NDST4: variants seen among roughly 807,000 people sequenced by gnomAD.
NDST4 encodes the protein N-heparan sulfate sulfotransferase 4.
A neutral mutation model predicts 100.8 loss-of-function variants in NDST4; 63 were observed. The ratio of observed to expected loss-of-function variants is 0.62; its 90% confidence interval spans 0.51 to 0.77. The LOEUF is 0.77. Ranked by LOEUF, NDST4 falls within the 30% of genes least tolerant of loss-of-function variation. NDST4 has a pLI of 0.00. For synonymous variants in NDST4, 377 were observed against 361.8 expected (o/e 1.04, Z -0.48); for missense variants, 943 against 1,018.4 (o/e 0.93, Z 1.01).
chr4:114,930,671 T>A (rs766414105), intron 6 of NDST4, among the ~76,000 whole-genome samples: 1 of 152,104 alleles, frequency 6.6e-6, no homozygotes, highest in Admixed American at 6.5e-5. Context: ...TGAAACAAAG[T>A]GGGCATAGCA....
chr4:114,956,804 G>C (rs888801891), intron 4 of NDST4, among the ~76,000 whole-genome samples: 7 of 151,952 alleles, frequency 4.6e-5, no homozygotes, highest in African/African-American at 1.7e-4. Flanking sequence ...TAACTAAATG[G>C]CAACAAAAAT....
chr4:115,023,195 A>G (rs1341263628), intron 2 of NDST4, among the ~76,000 whole-genome samples: 1 of 152,106 alleles, frequency 6.6e-6, no homozygotes, highest in East Asian at 1.9e-4. Context: ...TGAAGAACGT[A>G]TTCCTGTTGG....
chr4:115,081,946 C>T (rs2126291755), intron 1 of NDST4, among the ~76,000 whole-genome samples: 1 of 152,120 alleles, frequency 6.6e-6, no homozygotes, highest in Admixed American at 6.5e-5. Flanking sequence ...GGCTTTGGTC[C>T]CAATTCTTCT....
intron 2 of NDST4, among the ~76,000 whole-genome samples, chr4:115,038,699 G>C (rs1032344403): frequency 6.6e-6 from 1 of 152,206 alleles, no homozygotes; most frequent in Non-Finnish European, 1.5e-5. Flanking sequence ...GTTGTGGGCT[G>C]ATCATGGTTG....
chr4:114,842,521 G>A (rs1723447222), intron 10 of NDST4, among the ~76,000 whole-genome samples: 1 of 150,648 alleles, frequency 6.6e-6, no homozygotes, highest in African/African-American at 2.4e-5. Flanking sequence ...GCAGGGCGCG[G>A]TGGCTCACGC....
At chr4:114,846,075 A>G in intron 9 of NDST4, 78 bp from the exon 10 acceptor site, 2 of 1,050,754 alleles carry the variant, frequency 1.9e-6, no homozygotes, top group East Asian at 5.1e-5. Flanking sequence ...TAATTGGAAC[A>G]TTTTAATATT....
At chr4:114,848,454 T>A in intron 8 of NDST4, 116 bp from the exon 9 acceptor site, 1 of 820,910 alleles carries the variant, frequency 1.2e-6, no homozygotes, top group Non-Finnish European at 1.8e-6. Flanking sequence ...AGTATCAAAG[T>A]GATTTCCTTA....
intron 4 of NDST4, among the ~76,000 whole-genome samples, chr4:114,944,578 T>C (rs1276702097): frequency 6.6e-6 from 1 of 152,174 alleles, no homozygotes; most frequent in East Asian, 1.9e-4. Context: ...TTGCAAATAG[T>C]TACTATGAAA....
At chr4:114,962,133 T>C (rs962694381) in intron 4 of NDST4, among the ~76,000 whole-genome samples, 2 of 152,020 alleles carry the variant, frequency 1.3e-5, no homozygotes, top group Non-Finnish European at 2.9e-5. Flanking sequence ...TACATGCAGA[T>C]ACATACAGAA....
intron 6 of NDST4, among the ~76,000 whole-genome samples, chr4:114,905,280 T>A (rs1229957806): frequency 6.6e-6 from 1 of 151,856 alleles, no homozygotes; most frequent in African/African-American, 2.4e-5. Flanking sequence ...AAGTGGCTTA[T>A]CCATCTTGGA....
intron 1 of NDST4, among the ~76,000 whole-genome samples, chr4:115,081,103 A>T (rs532811201): frequency 6.6e-6 from 1 of 152,050 alleles, no homozygotes; most frequent in Non-Finnish European, 1.5e-5. Flanking sequence ...ATAAATTAAA[A>T]AAAAAACCAT....
chr4:115,001,447 C>T (rs1727287875), intron 2 of NDST4, among the ~76,000 whole-genome samples: 1 of 151,852 alleles, frequency 6.6e-6, no homozygotes, highest in African/African-American at 2.4e-5. Context: ...GTTCTGCCCC[C>T]TGTTAGGAGA....
intron 1 of NDST4, among the ~76,000 whole-genome samples, chr4:115,090,063 C>T (rs953810993): frequency 1.3e-5 from 2 of 151,882 alleles, no homozygotes; most frequent in African/African-American, 4.8e-5. Context: ...TTAAAAGTCT[C>T]AGCTGATTAT....
At chr4:114,839,342 TA>T in intron 11 of NDST4, 35 bp downstream of exon 11, 1 of 1,557,458 alleles carries the variant, frequency 6.4e-7, no homozygotes, top group Middle Eastern at 1.7e-4. Flanking sequence ...GACATTATAA[TA>T]AAATAAACAG....
At chr4:114,896,764 A>ATAAGG (rs747128319) in intron 6 of NDST4, among the ~76,000 whole-genome samples, 17 of 152,164 alleles carry the variant, frequency 1.1e-4, no homozygotes, top group South Asian at 2.1e-4. Flanking sequence ...GCCAGCAGCT[A>ATAAGG]TTTTACATGG....
chr4:114,905,776 A>G (rs1406714564), intron 6 of NDST4, among the ~76,000 whole-genome samples: 1 of 152,010 alleles, frequency 6.6e-6, no homozygotes, highest in Non-Finnish European at 1.5e-5. Context: ...TTACTTCATT[A>G]AAGATTCATT....
rs143400616 is a variant in NDST4 at position 114,870,851 on chromosome 4, G to A, written c.1636C>T (p.Leu546=). The A allele has an allele frequency of 1.2e-6, 2 of 1,613,058 alleles. No individual in the cohort carries two copies. The highest frequency in any genetic ancestry group is 8.5e-7 in the Non-Finnish European group (1 of 1,179,346). ...ACTGGAGGCAGAGTTTGCAATTTCA[G>A]GTTGGTCCAGCTCTGCACAAAGTTG... ...LVNFVQSWTN[L]KLQTLPPVQL... is the part of the protein sequence containing the mutation. The change falls in exon 7 of 14, where the codon CTG becomes TTG. Residue 546 remains leucine (L), a synonymous_variant. Coordinates refer to ENST00000264363, the MANE Select transcript of NDST4 (RefSeq NM_022569.3).
chr4:114,931,923 A>T (rs571672681), intron 6 of NDST4, among the ~76,000 whole-genome samples: 4 of 152,012 alleles, frequency 2.6e-5, no homozygotes, highest in African/African-American at 7.2e-5. Context: ...AAAATTAGAG[A>T]ATTAACATCA....
intron 7 of NDST4, among the ~76,000 whole-genome samples, chr4:114,861,953 T>A (rs1435932664): frequency 6.6e-6 from 1 of 152,144 alleles, no homozygotes; most frequent in Non-Finnish European, 1.5e-5. Flanking sequence ...CCTAAAATTA[T>A]TTTCTTTGTG....
Sources: allele counts gnomAD v4.1 joint callset (sites outside exome capture counted in the v4.1 genomes callset), GRCh38; gene constraint gnomAD v4.1.1; transcripts MANE v1.5; gene names NCBI Gene and HGNC (gene_info 2026-07-23, HGNC 2026-07-21).